ADGRL3: variants seen among roughly 807,000 people sequenced by gnomAD.
The protein encoded by ADGRL3 is calcium-independent alpha-latrotoxin receptor 3.
Under a neutral mutation model 153.5 loss-of-function variants are expected in ADGRL3, and 62 were observed. The observed-to-expected ratio is 0.40, with a 90% CI of 0.33 to 0.50. ADGRL3 has a LOEUF of 0.50. Ranked by LOEUF, ADGRL3 falls within the 20% of genes least tolerant of loss-of-function variation. The pLI, the probability that ADGRL3 is intolerant of heterozygous loss-of-function variation, is 0.47. For synonymous variants in ADGRL3, 710 were observed against 672.5 expected, an observed-to-expected ratio of 1.06 and a Z score of -0.86; for missense variants, 1,641 against 1,859.4, an observed-to-expected ratio of 0.88 and a Z score of 2.16.
rs926374668 is a variant in ADGRL3 at position 61,655,511 on chromosome 4, A to T, written c.474-21315A>T. ...ATAATAAATTAAATTAAAAGTAAAA[A>T]ATACACTTTGAAAAAAACAGAAATA... On this transcript the variant is annotated intron_variant, in intron 5 of 26. Transcript: ENST00000683033. Among the ~76,000 whole-genome samples the T allele has an allele frequency of 5.3e-5, 8 of 152,322 alleles. No individual in the cohort carries two copies. In the East Asian group the frequency reaches 7.7e-4, roughly 15 times the overall value.
intron 8 of ADGRL3, among the ~76,000 whole-genome samples, chr4:61,770,149 C>CT (rs2097066133): frequency 1.3e-5 from 2 of 152,322 alleles, no homozygotes; most frequent in East Asian, 3.9e-4. Flanking sequence ...TTTATCTCCA[C>CT]TTTACATTTG....
intron 6 of ADGRL3, among the ~76,000 whole-genome samples, chr4:61,718,611 A>G (rs903542851): frequency 2.6e-5 from 4 of 152,192 alleles, no homozygotes; most frequent in Non-Finnish European, 5.9e-5. Flanking sequence ...TAAAGATTTA[A>G]TAAGTTTCAA....
chr4:61,729,534 T>G (rs192569611), intron 6 of ADGRL3, among the ~76,000 whole-genome samples: 1 of 152,076 alleles, frequency 6.6e-6, no homozygotes, highest in Non-Finnish European at 1.5e-5. Flanking sequence ...TTAAATTTAT[T>G]TATTGTGCAT....
chr4:62,062,117 T>C (rs1023568510), intron 25 of ADGRL3, among the ~76,000 whole-genome samples: 1 of 152,042 alleles, frequency 6.6e-6, no homozygotes, highest in Admixed American at 6.6e-5. Context: ...ATTCTTGCCA[T>C]CGTTTAATGT....
chr4:62,046,814 G>A (rs1413250597), intron 25 of ADGRL3, among the ~76,000 whole-genome samples: 15 of 151,956 alleles, frequency 9.9e-5, no homozygotes, highest in Admixed American at 9.8e-4. Flanking sequence ...GAAACTCCTA[G>A]TTTTATTCTC....
chr4:61,780,874 T>A (rs2152379450), intron 8 of ADGRL3, among the ~76,000 whole-genome samples: 1 of 152,318 alleles, frequency 6.6e-6, no homozygotes, highest in Admixed American at 6.5e-5. Context: ...TTGCTCTTAC[T>A]TTTCTCTTAA....
chr4:62,021,187 A>G (rs1045871714), intron 21 of ADGRL3, among the ~76,000 whole-genome samples: 1 of 152,150 alleles, frequency 6.6e-6, no homozygotes, highest in Non-Finnish European at 1.5e-5. Flanking sequence ...AAATATTTAT[A>G]TAGTACTTTT....
chr4:61,576,915 A>G (rs1050397140), intron 4 of ADGRL3, among the ~76,000 whole-genome samples: 2 of 151,832 alleles, frequency 1.3e-5, no homozygotes, highest in Non-Finnish European at 2.9e-5. Context: ...AAAGGGGAAT[A>G]TTTTCCATTC....
At chr4:61,553,234 C>T (rs2148843132) in intron 4 of ADGRL3, among the ~76,000 whole-genome samples, 1 of 152,268 alleles carries the variant, frequency 6.6e-6, no homozygotes, top group African/African-American at 2.4e-5. Flanking sequence ...CCTGTATTTT[C>T]ACTCTCCTTT....
intron 4 of ADGRL3, among the ~76,000 whole-genome samples, chr4:61,579,879 A>G (rs1343530679): frequency 6.6e-6 from 1 of 152,078 alleles, no homozygotes; most frequent in African/African-American, 2.4e-5. Flanking sequence ...CTGAGAGCAT[A>G]TGTTCTTTTA....
intron 17 of ADGRL3, among the ~76,000 whole-genome samples, chr4:61,970,260 C>T (rs2099022123): frequency 6.6e-6 from 1 of 152,088 alleles, no homozygotes; most frequent in African/African-American, 2.4e-5. Context: ...CTGCTATCAT[C>T]ATTAGTCACT....
chr4:61,401,501 G>A (rs1366210691), intron 2 of ADGRL3, among the ~76,000 whole-genome samples: 3 of 151,930 alleles, frequency 2.0e-5, no homozygotes, highest in African/African-American at 7.2e-5. Flanking sequence ...GAATAGAAAT[G>A]CTTCTGCTGT....
chr4:62,051,610 C>T (rs955666022), intron 25 of ADGRL3, among the ~76,000 whole-genome samples: 1 of 151,600 alleles, frequency 6.6e-6, no homozygotes, highest in Non-Finnish European at 1.5e-5. Context: ...TCTCTCACAG[C>T]CAACTAAACA....
At chr4:61,684,113 T>C (rs1348635762) in intron 6 of ADGRL3, among the ~76,000 whole-genome samples, 1 of 152,070 alleles carries the variant, frequency 6.6e-6, no homozygotes, top group Non-Finnish European at 1.5e-5. Context: ...AAGGCAGAAA[T>C]CTTGGACTTC....
chr4:61,526,404 CT>C (rs112235402), intron 4 of ADGRL3, among the ~76,000 whole-genome samples: 67 of 145,640 alleles, frequency 4.6e-4, no homozygotes, highest in Admixed American at 7.6e-4. Context: ...AATTGTTATA[CT>C]TTTTTTTTTT....
intron 2 of ADGRL3, among the ~76,000 whole-genome samples, chr4:61,456,405 A>ATATCTATAGATATATCTATATC (rs1553934091): frequency 1.9e-5 from 1 of 53,888 alleles, no homozygotes; most frequent in Non-Finnish European, 4.0e-5. Flanking sequence ...ATCTATATCT[A>ATATCTATAGATATATCTATATC]TATATATATA....
At position 61,750,157 on chromosome 4, in the gene ADGRL3, G is replaced by A. The variant is rs1178873252; in HGVS notation, c.1399+16603G>A. On this transcript the variant is annotated intron_variant, in intron 8 of 26. Transcript: ENST00000683033. ...ACTTACAGTCTATTGAAAACAAATT[G>A]AGAAGAAAGAAAAAAGGGGATGGTT... is the stretch of plus-strand genomic sequence containing the variant. 4.3e-5 allele frequency among the ~76,000 whole-genome samples: 4 copies of A among 92,736 alleles called. No homozygotes were observed. In the South Asian group the frequency reaches 1.7e-3, roughly 39 times the overall value. 60.8% of individuals were successfully genotyped at this position (92,736 alleles called of 152,430 possible).
At chr4:61,973,315 T>A (rs76142940) in intron 17 of ADGRL3, among the ~76,000 whole-genome samples, 2,763 of 152,016 alleles carry the variant, frequency 0.018, 90 homozygotes, top group African/African-American at 0.064. Flanking sequence ...ATGGACAGAG[T>A]CACTTTCACA....
intron 1 of ADGRL3, among the ~76,000 whole-genome samples, chr4:61,333,353 T>G (rs2095611555): frequency 1.3e-5 from 2 of 152,116 alleles, no homozygotes; most frequent in Admixed American, 1.3e-4. Context: ...TCTGTTTTAC[T>G]TAGTGTTCTG....
Sources: allele counts gnomAD v4.1 joint callset (sites outside exome capture counted in the v4.1 genomes callset), GRCh38; gene constraint gnomAD v4.1.1; transcripts MANE v1.5; gene names NCBI Gene and HGNC (gene_info 2026-07-23, HGNC 2026-07-21).